Variants in CADM2 observed in about 807,000 individuals in gnomAD.
The protein encoded by CADM2 is cell adhesion molecule 2.
A neutral mutation model predicts 49.8 loss-of-function variants in CADM2; 12 were observed. The ratio of observed to expected loss-of-function variants is 0.24; its 90% CI spans 0.15 to 0.39. CADM2 has a LOEUF of 0.39. Ranked by LOEUF, CADM2 falls within the 10% of genes least tolerant of loss-of-function variation. CADM2 has a pLI of 1.00. For missense variants in CADM2, 378 were observed against 492.3 expected, an observed-to-expected ratio of 0.77 and a Z score of 2.20; for synonymous variants, 214 against 175.4, an observed-to-expected ratio of 1.22 and a Z score of -1.74.
intron 2 of CADM2, among the ~76,000 whole-genome samples, chr3:85,772,544 C>T (rs2070147516): frequency 1.3e-5 from 2 of 152,018 alleles, no homozygotes; most frequent in African/African-American, 4.8e-5. Flanking sequence ...CTTCTTTTGG[C>T]ACTGGTGATC....
At chr3:85,969,297 A>C (rs1006645649) in intron 8 of CADM2, among the ~76,000 whole-genome samples, 1 of 150,796 alleles carries the variant, frequency 6.6e-6, no homozygotes, top group African/African-American at 2.4e-5. Flanking sequence ...ATCTCTCATC[A>C]CTCTTCACAC....
At chr3:85,684,580 G>A (rs1559591326) in intron 1 of CADM2, among the ~76,000 whole-genome samples, 1 of 152,142 alleles carries the variant, frequency 6.6e-6, no homozygotes, top group East Asian at 1.9e-4. Flanking sequence ...CCGAGACTGG[G>A]TAATTTATAT....
chr3:86,014,502 T>C, intron 8 of CADM2: 2 of 1,542,194 alleles, frequency 1.3e-6, no homozygotes, highest in East Asian at 4.6e-5. Flanking sequence ...CCCTGGAAAA[T>C]ACCACAGTGT....
At chr3:85,716,623 G>A (rs1428754775) in intron 1 of CADM2, among the ~76,000 whole-genome samples, 1 of 152,016 alleles carries the variant, frequency 6.6e-6, no homozygotes, top group Non-Finnish European at 1.5e-5. Flanking sequence ...GGGTTTTTAT[G>A]GTTTTAGTTC....
chr3:86,027,682 T>C (rs1053056452), intron 8 of CADM2, among the ~76,000 whole-genome samples: 1 of 152,194 alleles, frequency 6.6e-6, no homozygotes, highest in Non-Finnish European at 1.5e-5. Context: ...GATTTTATCA[T>C]ATTAAATGTA....
intron 1 of CADM2, among the ~76,000 whole-genome samples, chr3:85,630,548 C>T (rs1462699749): frequency 6.6e-6 from 1 of 152,000 alleles, no homozygotes; most frequent in East Asian, 1.9e-4. Flanking sequence ...CAGGTTCCAT[C>T]CCCAGACACT....
At chr3:85,502,542 G>C (rs759343094) in intron 1 of CADM2, among the ~76,000 whole-genome samples, 4 of 152,022 alleles carry the variant, frequency 2.6e-5, no homozygotes, top group African/African-American at 4.8e-5. Flanking sequence ...TTAATTATCT[G>C]CAACTATCAG....
In CADM2 at chr3:86,020,705, T is replaced by G. The variant is rs562974409; in HGVS notation, c.971-44900T>G. Among the ~76,000 whole-genome samples the G allele has an allele frequency of 3.9e-5, 6 of 152,156 alleles. No homozygotes were observed. The South Asian group carries it at 1.2e-3, about 32-fold the overall frequency. On this transcript the variant is annotated intron_variant, in intron 8 of 9. Coordinates refer to ENST00000383699, the MANE Select transcript of CADM2 (RefSeq NM_001167675.2). ...AATATACGCAAATCAATAAATGTAA[T>G]CCAGCATATAAACAGAGCCAAAGAC...
intron 1 of CADM2, among the ~76,000 whole-genome samples, chr3:85,723,110 G>A (rs149746123): frequency 1.7e-3 from 255 of 151,962 alleles, no homozygotes; most frequent in African/African-American, 5.9e-3. Flanking sequence ...ATATATACGT[G>A]TTTTCACAAA....
intron 1 of CADM2, among the ~76,000 whole-genome samples, chr3:85,531,774 A>G (rs537059572): frequency 6.6e-6 from 1 of 152,362 alleles, no homozygotes; most frequent in South Asian, 2.1e-4. Flanking sequence ...ATAAAAAAGT[A>G]TATGAAATCA....
At chr3:85,605,389 C>T (rs575951286) in intron 1 of CADM2, among the ~76,000 whole-genome samples, 5 of 152,016 alleles carry the variant, frequency 3.3e-5, no homozygotes, top group South Asian at 4.1e-4. Flanking sequence ...AGTAAAAGTG[C>T]CATTAAGAAC....
At chr3:85,482,024 A>T (rs1331890247) in intron 1 of CADM2, among the ~76,000 whole-genome samples, 1 of 151,762 alleles carries the variant, frequency 6.6e-6, no homozygotes, top group Non-Finnish European at 1.5e-5. Flanking sequence ...CAAGTGTAAA[A>T]GGGAGAAGTG....
At chr3:85,278,953 TA>T (rs1038146947) in intron 1 of CADM2, among the ~76,000 whole-genome samples, 2 of 151,402 alleles carry the variant, frequency 1.3e-5, no homozygotes, top group East Asian at 1.9e-4. Flanking sequence ...TTTCCACAAT[TA>T]AAAAATAGTT....
At chr3:85,985,497 G>A (rs542369643) in intron 8 of CADM2, among the ~76,000 whole-genome samples, 4 of 151,712 alleles carry the variant, frequency 2.6e-5, no homozygotes, top group East Asian at 1.9e-4. Context: ...AAAAGGTAAC[G>A]TTAACTAAAA....
intron 3 of CADM2, among the ~76,000 whole-genome samples, chr3:85,868,465 GTTATC>G (rs1324831403): frequency 6.6e-6 from 1 of 152,044 alleles, no homozygotes; most frequent in Non-Finnish European, 1.5e-5. Context: ...TTGACAGCCT[GTTATC>G]TTGATTGCCT....
intron 1 of CADM2, among the ~76,000 whole-genome samples, chr3:85,222,189 G>A (rs1257381029): frequency 1.3e-5 from 2 of 152,112 alleles, no homozygotes; most frequent in East Asian, 1.9e-4. Context: ...GTGAGAATAC[G>A]TCTGTCGTAT....
intron 8 of CADM2, among the ~76,000 whole-genome samples, chr3:86,028,235 A>AG (rs994622866): frequency 7.9e-5 from 12 of 152,006 alleles, no homozygotes; most frequent in African/African-American, 2.7e-4. Context: ...AAAAAAAAAA[A>AG]AAGAAAATTC....
chr3:85,672,093 T>C (rs115741039), intron 1 of CADM2, among the ~76,000 whole-genome samples: 3,634 of 151,998 alleles, frequency 0.024, 85 homozygotes, highest in Non-Finnish European at 0.035. Flanking sequence ...TGTAGGAAAA[T>C]GTGTTGGAAG....
At chr3:85,884,097 CATTCATAGAG>C (rs1429404726) in intron 4 of CADM2, among the ~76,000 whole-genome samples, 2 of 152,284 alleles carry the variant, frequency 1.3e-5, no homozygotes, top group East Asian at 3.9e-4. Context: ...AAAAGCAATA[CATTCATAGAG>C]ATTCCGAGGA....
Sources: allele counts gnomAD v4.1 joint callset (sites outside exome capture counted in the v4.1 genomes callset), GRCh38; gene constraint gnomAD v4.1.1; transcripts MANE v1.5; gene names NCBI Gene and HGNC (gene_info 2026-07-23, HGNC 2026-07-21).